The following ANXA11 variants were observed in gnomAD, a reference collection of about 807,000 sequenced individuals.
The protein encoded by ANXA11 is 56 kDa autoantigen.
ANXA11 carries 57 observed loss-of-function variants against 64.7 expected under a neutral mutation model. That is an observed-to-expected ratio of 0.88 (90% CI 0.71 to 1.10). The LOEUF (loss-of-function observed/expected upper bound fraction) is 1.10, where lower values mean the gene tolerates loss of function less well. Among genes scored for constraint, ANXA11 ranks in the 50% least tolerant of loss-of-function variants. The probability of loss-of-function intolerance (pLI) is 0.00; values close to 1 mark genes in which losing one functional copy is unlikely to be tolerated. For missense variants in ANXA11, 675 were observed against 670.7 expected (o/e 1.01, Z -0.07); for synonymous variants, 260 against 265.2 (o/e 0.98, Z 0.19).
In ANXA11 at chr10:80,164,150, G is replaced by A. The variant is rs537447272; in HGVS notation, c.859-7C>T. On this transcript the variant is annotated splice_polypyrimidine_tract_variant and splice_region_variant and intron_variant, in intron 8 of 15. Transcript: ENST00000422982. ...CTTCATCAGTGCCAACCCCCTGCAG[G>A]GGCAGAGAATACAACCAACCATGTG... The A allele has an allele frequency of 1.2e-6, 2 of 1,612,680 alleles. No homozygotes were observed. Among genetic ancestry groups the A allele is most frequent in the South Asian group, 2.2e-5 (2 of 91,036 alleles).
At position 80,194,526 on chromosome 10, in the gene ANXA11, G is replaced by A. The variant is rs568367323; in HGVS notation, c.-58+10817C>T. On this transcript the variant is annotated intron_variant, in intron 1 of 15. Coordinates refer to ENST00000422982, the MANE Select transcript of ANXA11 (RefSeq NM_145868.2). ...TAAGAGCCACTCCTAGGAAGAGTCG[G>A]GGGGGGAAGACAAAGAATTCAGAAA... Among the ~76,000 whole-genome samples, 30 of 22,738 alleles carry A rather than the reference G, an allele frequency of 1.3e-3. No homozygotes were observed. The African/African-American group carries it at 0.014, about 11-fold the overall frequency. 14.9% of individuals were successfully genotyped at this position (22,738 alleles called of 152,430 possible).
At chr10:80,172,955 C>T (rs1046454896) in intron 2 of ANXA11, 86 bp from the exon 3 acceptor site, 3 of 1,171,704 alleles carry the variant, frequency 2.6e-6, no homozygotes, top group Non-Finnish European at 3.8e-6. Flanking sequence ...AGGGCAGCCA[C>T]CACCACAACT....
chr10:80,168,693 C>T (rs543906605), intron 5 of ANXA11, among the ~76,000 whole-genome samples: 1 of 152,124 alleles, frequency 6.6e-6, no homozygotes, highest in East Asian at 1.9e-4. Context: ...ACCACCATGC[C>T]CAGCTAATTT....
intron 1 of ANXA11, among the ~76,000 whole-genome samples, chr10:80,198,894 A>T (rs781103436): frequency 2.0e-5 from 3 of 152,200 alleles, no homozygotes; most frequent in South Asian, 4.1e-4. Flanking sequence ...CAAGTATAAT[A>T]AGTAATAAGC....
intron 1 of ANXA11, among the ~76,000 whole-genome samples, chr10:80,192,069 G>A (rs1237884432): frequency 1.3e-5 from 2 of 152,196 alleles, no homozygotes; most frequent in East Asian, 3.8e-4. Flanking sequence ...GCGGACTCAG[G>A]CCCAGTTCTC....
intron 1 of ANXA11, among the ~76,000 whole-genome samples, chr10:80,184,082 C>T (rs1309295028): frequency 6.6e-6 from 1 of 152,168 alleles, no homozygotes; most frequent in Non-Finnish European, 1.5e-5. Context: ...AATAAACCAT[C>T]ATCCCTCAGC....
At chr10:80,159,718 C>T (rs1205792701) in intron 12 of ANXA11, among the ~76,000 whole-genome samples, 2 of 152,204 alleles carry the variant, frequency 1.3e-5, no homozygotes, top group African/African-American at 2.4e-5. Context: ...AAGTTACATG[C>T]ACCACCTGAT....
At chr10:80,188,519 AACAGGTATTAG>A (rs1222972632) in intron 1 of ANXA11, among the ~76,000 whole-genome samples, 1 of 141,050 alleles carries the variant, frequency 7.1e-6, no homozygotes, top group Non-Finnish European at 1.5e-5. Context: ...ATAGCACTAC[AACAGGTATTAG>A]CACACAGCAG....
At chr10:80,191,777 G>T (rs1185767388) in intron 1 of ANXA11, among the ~76,000 whole-genome samples, 1 of 152,214 alleles carries the variant, frequency 6.6e-6, no homozygotes, top group Non-Finnish European at 1.5e-5. Flanking sequence ...TGCCCAGTCG[G>T]ATTTGCACAG....
At chr10:80,191,473 C>T (rs1846772897) in intron 1 of ANXA11, among the ~76,000 whole-genome samples, 1 of 152,132 alleles carries the variant, frequency 6.6e-6, no homozygotes, top group African/African-American at 2.4e-5. Flanking sequence ...CTTCCAGATC[C>T]TTCTATGGCA....
rs75629922 is a variant in ANXA11 at position 80,190,194 on chromosome 10, C to T, written c.-57-14039G>A. On this transcript the variant is annotated intron_variant, in intron 1 of 15. Transcript: ENST00000422982. ...ACCTTCTGGAGATGCATCGTAATGA[C>T]TGTTGCACAACGAAGTGAATGTATT... 5.1e-3 allele frequency among the ~76,000 whole-genome samples: 781 copies of T among 152,324 alleles called. 7 individuals are homozygous for T. Among genetic ancestry groups the T allele is most frequent in the African/African-American group, 0.018 (755 of 41,570 alleles).
intron 2 of ANXA11, among the ~76,000 whole-genome samples, chr10:80,174,321 G>A (rs540503614): frequency 3.8e-4 from 58 of 152,246 alleles, no homozygotes; most frequent in Non-Finnish European, 6.9e-4. Flanking sequence ...CTGTAACCCA[G>A]GCTGGAGTGC....
In ANXA11 at chr10:80,169,059, T is replaced by C. The variant is rs751305637; in HGVS notation, c.471A>G (p.Pro157=). The change falls in exon 5 of 16, where the codon CCA becomes CCG. Residue 157 remains proline (P), a synonymous_variant. Coordinates refer to ENST00000422982, the MANE Select transcript of ANXA11 (RefSeq NM_145868.2). ...QPPVTYPGQP[P]VPLPGQQQPV... ...GCTGCTGCTGCCCAGGGAGTGGCAC[T>C]GGAGGCTGACCAGGGTAGGTCACTG... 4 of 1,540,296 alleles carry C rather than the reference T, an allele frequency of 2.6e-6. No homozygotes were observed. The highest frequency in any genetic ancestry group is 2.3e-5 in the East Asian group (1 of 44,268).
rs17100316 is a variant in ANXA11 at position 80,153,581 on chromosome 10, A to G, written c.*2272T>C. On this transcript the variant is annotated 3_prime_UTR_variant, in exon 16 of 16. Coordinates refer to ENST00000422982, the MANE Select transcript of ANXA11 (RefSeq NM_145868.2). ...CCAGGGTCACCTTGAGTTCATGGCA[A>G]GTTGTATATGCCAAGCACCCCATCC... The G allele has an allele frequency of 0.097, 14,788 of 152,312 alleles. 911 individuals carry two copies. Among genetic ancestry groups the G allele is most frequent in the South Asian group, 0.24 (1,152 of 4,818 alleles). The allele number at this position is 152,312 out of a possible 1,614,324, so 9.4% of individuals were successfully genotyped here.
At chr10:80,175,294 C>T (rs1183770123) in intron 2 of ANXA11, among the ~76,000 whole-genome samples, 1 of 152,042 alleles carries the variant, frequency 6.6e-6, no homozygotes, top group African/African-American at 2.4e-5. Flanking sequence ...AGGAACTGCC[C>T]GACAGGTGAG....
At chr10:80,184,428 A>T (rs1846463943) in intron 1 of ANXA11, among the ~76,000 whole-genome samples, 1 of 152,178 alleles carries the variant, frequency 6.6e-6, no homozygotes, top group Non-Finnish European at 1.5e-5. Context: ...TTGTAACCCC[A>T]TCAAAAGTGG....
intron 1 of ANXA11, among the ~76,000 whole-genome samples, chr10:80,192,851 T>C (rs1341507594): frequency 6.6e-6 from 1 of 152,218 alleles, no homozygotes; most frequent in Non-Finnish European, 1.5e-5. Flanking sequence ...AATAGAGATA[T>C]TTGCAGGCAC....
At position 80,205,537 on chromosome 10, in the gene ANXA11, C is replaced by G. The variant is rs890013213; in HGVS notation, c.-252G>C. On this transcript the variant is annotated 5_prime_UTR_variant, in exon 1 of 16. Transcript: ENST00000422982. ...GCCGTCAGCGCCGGGCGGAAAACTC[C>G]GCGGGCGCGGCTGCCCCAGGTGCCA... The G allele has an allele frequency of 6.6e-6, 1 of 152,034 alleles. No homozygotes were observed. The highest frequency in any genetic ancestry group is 2.4e-5 in the African/African-American group (1 of 41,420). 9.4% of individuals were successfully genotyped at this position (152,034 alleles called of 1,614,324 possible).
chr10:80,196,118 A>G (rs1466353343), intron 1 of ANXA11, among the ~76,000 whole-genome samples: 2 of 152,208 alleles, frequency 1.3e-5, no homozygotes, highest in African/African-American at 2.4e-5. Flanking sequence ...AACTCCTAGG[A>G]TAGATACATA....
Sources: gnomAD v4.1 joint callset for allele counts (sites outside exome capture counted in the v4.1 genomes callset) on GRCh38, gnomAD v4.1.1 for gene constraint, MANE v1.5 for transcripts, NCBI Gene and HGNC (gene_info 2026-07-23, HGNC 2026-07-21) for gene names.